The following INTS2 variants were observed in gnomAD, a reference collection of about 807,000 sequenced individuals.
INTS2 encodes integrator complex subunit 2.
Under a neutral mutation model 139.6 loss-of-function variants are expected in INTS2, and 57 were observed. The observed-to-expected ratio is 0.41, with a 90% CI of 0.33 to 0.51. The LOEUF (loss-of-function observed/expected upper bound fraction) is 0.51, where lower values mean the gene tolerates loss of function less well. INTS2 is among the 20% of genes least tolerant of loss of function. The pLI is 0.28. For missense variants in INTS2, 1,196 were observed against 1,436.7 expected, an observed-to-expected ratio of 0.83 and a Z score of 2.71; for synonymous variants, 473 against 493.4, an observed-to-expected ratio of 0.96 and a Z score of 0.55.
chr17:61,907,675 C>A, intron 7 of INTS2, 41 bp from the exon 8 acceptor site: 2 of 1,499,536 alleles, frequency 1.3e-6, no homozygotes, highest in Non-Finnish European at 1.8e-6. Flanking sequence ...AAGCATGAAG[C>A]ATTTACTAAA....
At chr17:61,896,323 GCAA>G (rs2079349340) in intron 11 of INTS2, among the ~76,000 whole-genome samples, 1 of 150,896 alleles carries the variant, frequency 6.6e-6, no homozygotes, top group Non-Finnish European at 1.5e-5. Context: ...AAGTTAAATG[GCAA>G]AAAATACTGG....
At position 61,897,642 on chromosome 17, in the gene INTS2, C is replaced by A; in HGVS notation, c.1379+26G>T. The A allele has an allele frequency of 5.7e-6, 9 of 1,588,122 alleles. No homozygotes were observed. The highest frequency in any genetic ancestry group is 7.7e-6 in the Non-Finnish European group (9 of 1,164,458). On this transcript the variant is annotated intron_variant, in intron 10 of 24. Coordinates refer to ENST00000251334, the MANE Select transcript of INTS2 (RefSeq NM_001351695.2). The surrounding 1 kb of genome is among the most constrained non-coding windows in gnomAD (Gnocchi z 4.4). ...AAAGAGAGAAGAAGAAAAGCTTTCT[C>A]AACTAACTAAATCAAATTATCTTAC...
In INTS2 at chr17:61,869,833, C is replaced by A; in HGVS notation, c.2934G>T (p.Leu978Phe). Residue 978 changes from leucine to phenylalanine, a missense_variant, in exon 21 of 25, where the codon TTG becomes TTT. By Grantham distance (22) the Leu-to-Phe change is conservative. Coordinates refer to ENST00000251334, the MANE Select transcript of INTS2 (RefSeq NM_001351695.2). This position sits in a 1 kb window ranked among gnomAD's most constrained non-coding sequence, Gnocchi z 5.4. ...NKGMEEGEDNLLCNLREVQCL... is the reference protein window; with the variant it reads ...NKGMEEGEDNFLCNLREVQCL... ...ACTGAACTTCTCGAAGGTTACAGAG[C>A]AAATTGTCTTCTCCTTCCTCCATTC... 6.2e-7 allele frequency: 1 copy of A among 1,613,886 alleles called. No individual in the cohort carries two copies. Among genetic ancestry groups the A allele is most frequent in the South Asian group, 1.1e-5 (1 of 91,084 alleles).
At chr17:61,925,966 C>A (rs534044634) in intron 2 of INTS2, among the ~76,000 whole-genome samples, 1 of 151,972 alleles carries the variant, frequency 6.6e-6, no homozygotes, top group Admixed American at 6.6e-5. Flanking sequence ...GCTGAGGTTG[C>A]AGTGAGCCAA....
At position 61,897,473 on chromosome 17, in the gene INTS2, A is replaced by T; in HGVS notation, c.1490T>A (p.Met497Lys). 6.5e-7 allele frequency: 1 copy of T among 1,548,860 alleles called. No individual in the cohort carries two copies. The change falls in exon 11 of 25, where the codon ATG becomes AAG. Residue 497 changes from methionine (M) to lysine (K), a missense_variant. By Grantham distance (95) the Met-to-Lys change is moderately conservative. This residue lies in a region of INTS2 where 1,129 missense variants were observed against 1,341.9 expected (regional missense o/e 0.84). Transcript: ENST00000251334. The surrounding 1 kb of genome is among the most constrained non-coding windows in gnomAD (Gnocchi z 4.4). ...AAGAAGTTAAAAGAAAATTACCTTC[A>T]TCCCCAAAGTGGAACAGACCAAGTC... ...IIDLVCSTLG[M>K]KIVIKPSSLS...
At chr17:61,906,352 C>A (rs138760535) in intron 8 of INTS2, among the ~76,000 whole-genome samples, 1 of 152,156 alleles carries the variant, frequency 6.6e-6, no homozygotes, top group Non-Finnish European at 1.5e-5. Context: ...GGATATTCAA[C>A]CTTTACAACT....
intron 13 of INTS2, among the ~76,000 whole-genome samples, chr17:61,892,581 C>T (rs371352456): frequency 8.5e-5 from 13 of 152,200 alleles, no homozygotes; most frequent in African/African-American, 2.2e-4. Flanking sequence ...TGCTTGAGAC[C>T]AGGAGTTCAA....
intron 18 of INTS2, among the ~76,000 whole-genome samples, chr17:61,877,607 G>T (rs1046477931): frequency 1.4e-4 from 22 of 152,130 alleles, no homozygotes; most frequent in African/African-American, 4.8e-4. Flanking sequence ...ATATAACAGT[G>T]ATCTAAATCA....
At chr17:61,895,636 A>G (rs765942780) in intron 11 of INTS2, among the ~76,000 whole-genome samples, 1 of 152,190 alleles carries the variant, frequency 6.6e-6, no homozygotes, top group Non-Finnish European at 1.5e-5. Flanking sequence ...TATTTACTAC[A>G]TGGAGCTAGG....
chr17:61,878,162 A>G, intron 17 of INTS2, 74 bp from the exon 18 acceptor site: 1 of 869,210 alleles, frequency 1.2e-6, no homozygotes, highest in Non-Finnish European at 1.9e-6. Context: ...GTGTTCTCTC[A>G]GACTATAGAC....
intron 3 of INTS2, 93 bp from the exon 4 acceptor site, chr17:61,921,920 T>C: frequency 1.5e-6 from 1 of 662,458 alleles, no homozygotes. Flanking sequence ...ACAGATTATG[T>C]CTCTTAATGT....
chr17:61,913,778 A>G (rs1210128011), intron 5 of INTS2, among the ~76,000 whole-genome samples: 2 of 152,234 alleles, frequency 1.3e-5, no homozygotes, highest in Non-Finnish European at 2.9e-5. Context: ...ATTATGCCAG[A>G]TGGAAATATG....
At chr17:61,906,804 G>T (rs2079468022) in intron 8 of INTS2, among the ~76,000 whole-genome samples, 1 of 146,166 alleles carries the variant, frequency 6.8e-6, no homozygotes, top group Non-Finnish European at 1.5e-5. Context: ...GGCCAACATG[G>T]TGAAACCCCG....
At position 61,872,286 on chromosome 17, in the gene INTS2, T is replaced by C. The variant is rs2079095306; in HGVS notation, c.2757A>G (p.Lys919=). The change falls in exon 20 of 25, where the codon AAA becomes AAG. Residue 919 remains lysine, a synonymous_variant. Coordinates refer to ENST00000251334, the MANE Select transcript of INTS2 (RefSeq NM_001351695.2). The surrounding 1 kb of genome is among the most constrained non-coding windows in gnomAD (Gnocchi z 4.8). ...DAPEVTREEL[K]NALLAAQDSA... ...TTACCTGAGCGGCCAGTAATGCATT[T>C]TTCAATTCTTCCCTGGTAACTTCCG... 6.2e-7 allele frequency: 1 copy of C among 1,610,228 alleles called. No individual in the cohort carries two copies. Among genetic ancestry groups the C allele is most frequent in the Non-Finnish European group, 8.5e-7 (1 of 1,177,768 alleles).
At position 61,869,139 on chromosome 17, in the gene INTS2, T is replaced by G; in HGVS notation, c.3139A>C (p.Ile1047Leu). 2.5e-6 allele frequency: 4 copies of G among 1,583,922 alleles called. No homozygotes were observed. The highest frequency in any genetic ancestry group is 3.5e-6 in the Non-Finnish European group (4 of 1,154,494). The change falls in exon 23 of 25, where the codon ATA (isoleucine) becomes CTA (leucine). Residue 1047 changes from isoleucine (I) to leucine (L), a missense_variant and splice_region_variant. By Grantham distance (5) the Ile-to-Leu change is conservative. Transcript: ENST00000251334. The surrounding 1 kb of genome is among the most constrained non-coding windows in gnomAD (Gnocchi z 5.4). Reference sequence around the variant, plus strand: ...TGAGAAAGCAACTGGATAGCAAATATCTGCAATACAAAATCCAGTTATTAC... The same window carrying G: ...TGAGAAAGCAACTGGATAGCAAATAGCTGCAATACAAAATCCAGTTATTAC... ...LIAQPELEKQ[I>L]FAIQLLSHLC...
In INTS2 at chr17:61,876,509, C is replaced by A. The variant is rs181918899; in HGVS notation, c.2456+1378G>T. On this transcript the variant is annotated intron_variant, in intron 18 of 24. Coordinates refer to ENST00000251334, the MANE Select transcript of INTS2 (RefSeq NM_001351695.2). This position sits in a 1 kb window ranked among gnomAD's most constrained non-coding sequence, Gnocchi z 4.1. Reference sequence around the variant, plus strand: ...ACAGGGTTTCAGTGGCACGATCTCACCTCACTGAAGCCTCCATCTCCTGGG... The same window carrying A: ...ACAGGGTTTCAGTGGCACGATCTCAACTCACTGAAGCCTCCATCTCCTGGG... Among the ~76,000 whole-genome samples the A allele has an allele frequency of 2.9e-4, 44 of 151,930 alleles. No homozygotes were observed. Among genetic ancestry groups the A allele is most frequent in the African/African-American group, 9.4e-4 (39 of 41,462 alleles).
chr17:61,899,219 T>C (rs1041722525), intron 9 of INTS2, among the ~76,000 whole-genome samples: 2 of 152,190 alleles, frequency 1.3e-5, no homozygotes, highest in Non-Finnish European at 2.9e-5. Flanking sequence ...ATAATCTTTC[T>C]TTTCCTTTTT....
At chr17:61,900,005 C>G (rs2079388745) in intron 9 of INTS2, among the ~76,000 whole-genome samples, 1 of 151,786 alleles carries the variant, frequency 6.6e-6, no homozygotes, top group African/African-American at 2.4e-5. Flanking sequence ...AATTCATGTA[C>G]CTAATTTTAC....
At chr17:61,922,660 A>G (rs1434197241) in intron 3 of INTS2, among the ~76,000 whole-genome samples, 1 of 151,698 alleles carries the variant, frequency 6.6e-6, no homozygotes. Context: ...TATTTCCTAT[A>G]TAATGAAGAG....
Sources: allele counts gnomAD v4.1 joint callset (sites outside exome capture counted in the v4.1 genomes callset), GRCh38; gene constraint gnomAD v4.1.1; regional missense constraint gnomAD v4.1.1; non-coding constraint Gnocchi (gnomAD v3.1); transcripts MANE v1.5; gene names NCBI Gene and HGNC (gene_info 2026-07-23, HGNC 2026-07-21).